PIP5K1C: variants seen among roughly 807,000 people sequenced by gnomAD.
The protein encoded by PIP5K1C is phosphatidylinositol-4-phosphate 5-kinase type 1 gamma.
PIP5K1C carries 45 observed loss-of-function variants against 80.1 expected under a neutral mutation model. That is an observed-to-expected ratio of 0.56 (90% CI 0.44 to 0.72). The LOEUF is 0.72. Among genes scored for constraint, PIP5K1C ranks in the 30% least tolerant of loss-of-function variants. PIP5K1C has a pLI of 0.00. For synonymous variants in PIP5K1C, 498 were observed against 420.1 expected (o/e 1.19, Z -2.27); for missense variants, 753 against 954.6 (o/e 0.79, Z 2.78).
Position 3,656,477 on chromosome 19 carries a change from G to A in PIP5K1C, c.549C>T (p.Asp183=), listed in dbSNP as rs756087643. 46 of 1,613,634 alleles carry A rather than the reference G, an allele frequency of 2.9e-5. No homozygotes were observed. In the Admixed American group the frequency reaches 6.8e-4, roughly 24 times the overall value. ...GCATGACGGTCTTGATGATGAACTC[G>A]TCGTCGCTGGTGACGTAGAAGAGGG... ...SGSLFYVTSD[D]EFIIKTVMHK... Residue 183 remains aspartate, a synonymous_variant, in exon 6 of 18, where the codon GAC becomes GAT. Transcript: ENST00000335312.
rs371681234 is a variant in PIP5K1C at position 3,682,883 on chromosome 19, G to A, written c.95-15530C>T. On this transcript the variant is annotated intron_variant, in intron 1 of 17. Coordinates refer to ENST00000335312, the MANE Select transcript of PIP5K1C (RefSeq NM_012398.3). ...TCAGAAACTGTGTGAGGTCACAGAT[G>A]TTGCCTCAATGAACGTTTGCTGGAC... Among the ~76,000 whole-genome samples the A allele has an allele frequency of 2.8e-4, 43 of 152,112 alleles. No homozygotes were observed. In the East Asian group the frequency reaches 8.1e-3, roughly 29 times the overall value.
rs1340656346 is a variant in PIP5K1C, at chr19:3,688,979, G to A, written c.94+11318C>T. On this transcript the variant is annotated intron_variant, in intron 1 of 17. Transcript: ENST00000335312. The surrounding 1 kb of genome is among the most constrained non-coding windows in gnomAD (Gnocchi z 5.3). The stretch of plus-strand genomic sequence containing the variant: ...GGGGTGGGGGGGGCTTGGCGCACGC[G>A]GCCTATGGTCTGTGAGCTCCCTGTG... 6.6e-6 allele frequency among the ~76,000 whole-genome samples: 1 copy of A among 152,176 alleles called. No homozygotes were observed. The highest frequency in any genetic ancestry group is 2.1e-4 in the South Asian group (1 of 4,830).
chr19:3,694,486 C>G (rs1057311302), intron 1 of PIP5K1C, among the ~76,000 whole-genome samples: 4 of 152,224 alleles, frequency 2.6e-5, no homozygotes, highest in African/African-American at 9.6e-5. Flanking sequence ...TCCTTCCAGG[C>G]CCCTCGTCTG....
chr19:3,679,882 C>T (rs996848046), intron 1 of PIP5K1C, among the ~76,000 whole-genome samples: 1 of 152,208 alleles, frequency 6.6e-6, no homozygotes, highest in African/African-American at 2.4e-5. Context: ...GAGCCTAGAA[C>T]GTGCCCGGCA....
chr19:3,653,512 G>T lies in PIP5K1C; in HGVS notation c.699C>A (p.Ile233=). 2 of 1,613,854 alleles carry T rather than the reference G, an allele frequency of 1.2e-6. No homozygotes were observed. Among genetic ancestry groups the T allele is most frequent in the Non-Finnish European group, 1.7e-6 (2 of 1,180,024 alleles). ...GGATGTTGTTCATGACCACGACGCG[G>T]ATGTTCTTGCCCCCCGACTGCACGC... ...LYCVQSGGKN[I]RVVVMNNILP... Residue 233 remains isoleucine, a synonymous_variant, in exon 7 of 18, where the codon ATC becomes ATA. Transcript: ENST00000335312.
At chr19:3,644,919 C>T (rs2034148954) in intron 11 of PIP5K1C, among the ~76,000 whole-genome samples, 1 of 152,252 alleles carries the variant, frequency 6.6e-6, no homozygotes, top group Non-Finnish European at 1.5e-5. Flanking sequence ...CCTTGTGCAG[C>T]TTCCTACAAT....
intron 1 of PIP5K1C, among the ~76,000 whole-genome samples, chr19:3,687,272 G>A (rs1466804165): frequency 1.3e-5 from 2 of 152,162 alleles, no homozygotes; most frequent in Non-Finnish European, 2.9e-5. Context: ...TGAGATAGGA[G>A]AATTGCTTGA....
chr19:3,665,285 G>A lies in PIP5K1C; in HGVS notation c.127-371C>T, dbSNP rs560707803. On this transcript the variant is annotated intron_variant, in intron 2 of 17. Coordinates refer to ENST00000335312, the MANE Select transcript of PIP5K1C (RefSeq NM_012398.3). ...TTGGGGTGGGGCCACCCTGGGCACAGCAGGGTGCTGAGCAGCATTCCTGGC... is the reference window on the plus strand; with the variant it reads ...TTGGGGTGGGGCCACCCTGGGCACAACAGGGTGCTGAGCAGCATTCCTGGC... 2.5e-4 allele frequency among the ~76,000 whole-genome samples: 38 copies of A among 152,310 alleles called. 1 individual carries two copies. The South Asian group carries it at 6.4e-3, about 26-fold the overall frequency.
In PIP5K1C at chr19:3,660,947, T is replaced by A; in HGVS notation, c.468+19A>T. The A allele has an allele frequency of 1.3e-6, 2 of 1,592,228 alleles. No homozygotes were observed. The highest frequency in any genetic ancestry group is 1.7e-6 in the Non-Finnish European group (2 of 1,160,696). On this transcript the variant is annotated intron_variant, in intron 5 of 17. Coordinates refer to ENST00000335312, the MANE Select transcript of PIP5K1C (RefSeq NM_012398.3). ...GTTCTGTTTCAAGCCTGGAAGCCCG[T>A]AACAGCAAATATGCTTACCAAGTAA...
intron 6 of PIP5K1C, among the ~76,000 whole-genome samples, chr19:3,653,820 A>G (rs2034532863): frequency 6.6e-6 from 1 of 152,202 alleles, no homozygotes; most frequent in Non-Finnish European, 1.5e-5. Flanking sequence ...GTTTCTACAG[A>G]GCCAGGCCCC....
chr19:3,653,498 A>G lies in PIP5K1C; in HGVS notation c.713T>C (p.Met238Thr). The G allele has an allele frequency of 6.2e-7, 1 of 1,613,886 alleles. No homozygotes were observed. ...SGGKNIRVVVMNNILPRVVKM... is the reference protein window; with the variant it reads ...SGGKNIRVVVTNNILPRVVKM... The stretch of plus-strand genomic sequence containing the variant: ...GACCACGCGGGGCAGGATGTTGTTC[A>G]TGACCACGACGCGGATGTTCTTGCC... The change falls in exon 7 of 18, where the codon ATG becomes ACG. Residue 238 changes from methionine to threonine, a missense_variant. Physicochemically the swap from Met to Thr is moderately conservative, Grantham distance 81. This residue lies in a region of PIP5K1C where 139 missense variants were observed against 289.7 expected (regional missense o/e 0.48). Coordinates refer to ENST00000335312, the MANE Select transcript of PIP5K1C (RefSeq NM_012398.3).
At chr19:3,650,634 C>T (rs866336096) in intron 8 of PIP5K1C, among the ~76,000 whole-genome samples, 31 of 152,362 alleles carry the variant, frequency 2.0e-4, no homozygotes, top group African/African-American at 6.5e-4. Flanking sequence ...CCCAGCCAAA[C>T]CCTGAGCCCT....
Position 3,637,131 on chromosome 19 carries a change from T to C in PIP5K1C, c.1920+1753A>G. The C allele has an allele frequency of 2.2e-6, 3 of 1,379,290 alleles. No individual in the cohort carries two copies. In the South Asian group the frequency reaches 4.6e-5, roughly 21 times the overall value. 85.4% of individuals were successfully genotyped at this position (1,379,290 alleles called of 1,614,324 possible). On this transcript the variant is annotated intron_variant, in intron 16 of 17. Coordinates refer to ENST00000335312, the MANE Select transcript of PIP5K1C (RefSeq NM_012398.3). The surrounding 1 kb of genome is among the most constrained non-coding windows in gnomAD (Gnocchi z 7.0). The stretch of plus-strand genomic sequence containing the variant: ...CTCTGCTGACCTGTGCAACCTCCCC[T>C]GTGCAGCCAGCGGGGCCACGGGCAG...
In PIP5K1C at chr19:3,644,266, G is replaced by C; in HGVS notation, c.1346-15C>G. On this transcript the variant is annotated splice_polypyrimidine_tract_variant and intron_variant, in intron 11 of 17. Coordinates refer to ENST00000335312, the MANE Select transcript of PIP5K1C (RefSeq NM_012398.3). ...GGACTTCAGGGCTGCAGGGAAGGGT[G>C]GGGGTTGGTGCTTGGGGTTGCTGGG... The C allele has an allele frequency of 6.2e-7, 1 of 1,609,948 alleles. No individual in the cohort carries two copies. Among genetic ancestry groups the C allele is most frequent in the Non-Finnish European group, 8.5e-7 (1 of 1,178,608 alleles).
chr19:3,664,733 G>A (rs1212472444), intron 3 of PIP5K1C, 89 bp downstream of exon 3: 2 of 1,116,422 alleles, frequency 1.8e-6, no homozygotes, highest in African/African-American at 1.5e-5. Context: ...TGTGTCGGGG[G>A]CGATAGGCCC....
chr19:3,682,488 C>T (rs1456247892), intron 1 of PIP5K1C, among the ~76,000 whole-genome samples: 8 of 151,742 alleles, frequency 5.3e-5, no homozygotes, highest in Admixed American at 1.3e-4. Flanking sequence ...CAGACCAGAC[C>T]GAGCAACATA....
At chr19:3,666,186 C>T (rs1275443483) in intron 2 of PIP5K1C, among the ~76,000 whole-genome samples, 4 of 152,358 alleles carry the variant, frequency 2.6e-5, no homozygotes, top group Middle Eastern at 3.4e-3. Flanking sequence ...GGACGCAGGG[C>T]CAAGGGTGGC....
At position 3,641,633 on chromosome 19, in the gene PIP5K1C, C is replaced by A. The variant is rs1207545493; in HGVS notation, c.1787+72G>T. On this transcript the variant is annotated intron_variant, in intron 15 of 17. Transcript: ENST00000335312. ...AGAAAGAACTGCTTCATGATGAAAC[C>A]TCGGGGTGCTCTTGGCTCCTCTGGG... is the stretch of plus-strand genomic sequence containing the variant. 6 of 1,090,916 alleles carry A rather than the reference C, an allele frequency of 5.5e-6. No individual in the cohort carries two copies. The Admixed American group carries it at 1.0e-4, about 19-fold the overall frequency. The allele number at this position is 1,090,916 out of a possible 1,614,324, so 67.6% of individuals were successfully genotyped here.
At chr19:3,650,350 G>A (rs1228839990) in intron 8 of PIP5K1C, among the ~76,000 whole-genome samples, 1 of 152,268 alleles carries the variant, frequency 6.6e-6, no homozygotes, top group Non-Finnish European at 1.5e-5. Flanking sequence ...AGACTGAACA[G>A]GTACCAAAGT....
Sources: gnomAD v4.1 joint callset for allele counts (sites outside exome capture counted in the v4.1 genomes callset) on GRCh38, gnomAD v4.1.1 for gene constraint, gnomAD v4.1.1 regional missense constraint, Gnocchi (gnomAD v3.1) non-coding constraint, MANE v1.5 for transcripts, NCBI Gene and HGNC (gene_info 2026-07-23, HGNC 2026-07-21) for gene names.